The following FHIT variants were observed in gnomAD, a reference collection of about 807,000 sequenced individuals.
FHIT encodes fragile histidine triad diadenosine triphosphatase.
A neutral mutation model predicts 17.9 loss-of-function variants in FHIT; 19 were observed. That is an observed-to-expected ratio of 1.06 (90% confidence interval 0.74 to 1.56). The LOEUF is 1.56. Ranked by LOEUF, FHIT falls within the 40% of genes most tolerant of loss-of-function variation. The probability of loss-of-function intolerance (pLI) is 0.00; values close to 1 mark genes in which losing one functional copy is unlikely to be tolerated. For missense variants in FHIT, 248 were observed against 189.2 expected (o/e 1.31, Z -1.82); for synonymous variants, 81 against 69.7 (o/e 1.16, Z -0.81).
At chr3:59,931,266 A>C (rs1374375758) in intron 7 of FHIT, among the ~76,000 whole-genome samples, 1 of 152,206 alleles carries the variant, frequency 6.6e-6, no homozygotes, top group African/African-American at 2.4e-5. Context: ...TACTTCATCC[A>C]GACCATCACC....
At chr3:60,249,983 A>T (rs1384387069) in intron 5 of FHIT, among the ~76,000 whole-genome samples, 3 of 152,170 alleles carry the variant, frequency 2.0e-5, no homozygotes, top group Admixed American at 2.0e-4. Context: ...CACTACCACA[A>T]GAACAGTATG....
Position 60,135,466 on chromosome 3 carries a change from G to T in FHIT, c.104-121314C>A, listed in dbSNP as rs1031024319. 3.3e-5 allele frequency among the ~76,000 whole-genome samples: 5 copies of T among 152,142 alleles called. No homozygotes were observed. In the East Asian group the frequency reaches 9.7e-4, roughly 29 times the overall value. Reference sequence around the variant, plus strand: ...AATATTTGTGGAATACCTACAATGGGGTTTTAATCACAAAACTTTACTTGA... The same window carrying T: ...AATATTTGTGGAATACCTACAATGGTGTTTTAATCACAAAACTTTACTTGA... On this transcript the variant is annotated intron_variant, in intron 5 of 9. Transcript: ENST00000492590.
intron 8 of FHIT, among the ~76,000 whole-genome samples, chr3:59,776,496 C>G (rs571321606): frequency 2.0e-4 from 30 of 152,234 alleles, no homozygotes; most frequent in African/African-American, 6.7e-4. Flanking sequence ...CTGACTGGCT[C>G]CACTAGCTCA....
At chr3:59,884,906 T>C (rs1703553851) in intron 8 of FHIT, among the ~76,000 whole-genome samples, 1 of 152,226 alleles carries the variant, frequency 6.6e-6, no homozygotes, top group South Asian at 2.1e-4. Context: ...CAATATTTGA[T>C]TGTATCCAAA....
chr3:60,475,774 G>A (rs1178891238), intron 5 of FHIT, among the ~76,000 whole-genome samples: 1 of 152,118 alleles, frequency 6.6e-6, no homozygotes, highest in Admixed American at 6.5e-5. Flanking sequence ...CTGAGCTGAC[G>A]CCACAAGTGG....
intron 7 of FHIT, among the ~76,000 whole-genome samples, chr3:59,967,212 C>G (rs958723742): frequency 3.9e-5 from 6 of 151,978 alleles, no homozygotes; most frequent in Non-Finnish European, 7.4e-5. Context: ...CTGCAATAGT[C>G]CCTGAAGGAC....
At chr3:60,779,158 TAA>T (rs1278209561) in intron 4 of FHIT, among the ~76,000 whole-genome samples, 1 of 152,244 alleles carries the variant, frequency 6.6e-6, no homozygotes, top group African/African-American at 2.4e-5. Flanking sequence ...AGTGTAAGAC[TAA>T]AGTCTATTTT....
chr3:60,792,667 C>T (rs998626815), intron 4 of FHIT, among the ~76,000 whole-genome samples: 1 of 152,088 alleles, frequency 6.6e-6, no homozygotes, highest in Non-Finnish European at 1.5e-5. Flanking sequence ...GAACTCTGGA[C>T]TCAGAGGCAC....
intron 3 of FHIT, among the ~76,000 whole-genome samples, chr3:60,867,505 A>G (rs114116588): frequency 0.016 from 2,432 of 152,268 alleles, 66 homozygotes; most frequent in African/African-American, 0.055. Context: ...ATGCAGGAAC[A>G]AAGTCTTCAG....
At chr3:60,581,675 C>A (rs1367866217) in intron 4 of FHIT, among the ~76,000 whole-genome samples, 5 of 151,952 alleles carry the variant, frequency 3.3e-5, no homozygotes, top group Non-Finnish European at 7.4e-5. Context: ...TAAAAATATT[C>A]TTTTATAAAT....
Position 60,498,323 on chromosome 3 carries a change from C to G in FHIT, c.103+38537G>C, listed in dbSNP as rs144888587. 2.0e-5 allele frequency among the ~76,000 whole-genome samples: 3 copies of G among 152,158 alleles called. No individual in the cohort carries two copies. In the East Asian group the frequency reaches 5.8e-4, roughly 29 times the overall value. ...CAATTCAATAAATGATGAAAATGTT[C>G]ATTTGTTACATTTATAGCATACTAA... On this transcript the variant is annotated intron_variant, in intron 5 of 9. Coordinates refer to ENST00000492590, the MANE Select transcript of FHIT (RefSeq NM_002012.4).
chr3:61,234,845 T>C (rs2040190701), intron 1 of FHIT, among the ~76,000 whole-genome samples: 1 of 152,222 alleles, frequency 6.6e-6, no homozygotes, highest in African/African-American at 2.4e-5. Context: ...TTTTGTGTTT[T>C]AAAAATAGAC....
At chr3:61,223,055 C>T (rs1343970405) in intron 1 of FHIT, among the ~76,000 whole-genome samples, 1 of 152,080 alleles carries the variant, frequency 6.6e-6, no homozygotes, top group South Asian at 2.1e-4. Context: ...TATCTCTGGC[C>T]CTTATCCACA....
At chr3:61,124,663 T>C (rs2036557423) in intron 2 of FHIT, among the ~76,000 whole-genome samples, 1 of 152,160 alleles carries the variant, frequency 6.6e-6, no homozygotes, top group Non-Finnish European at 1.5e-5. Context: ...TTTCGCGATA[T>C]ATATGGTTGC....
At position 59,752,066 on chromosome 3, in the gene FHIT, A is replaced by G. The variant is rs570355113; in HGVS notation, c.*5+155T>C. 7.9e-4 allele frequency: 434 copies of G among 546,094 alleles called. 1 individual carries two copies. Among genetic ancestry groups the G allele is most frequent in the Middle Eastern group, 1.4e-3 (3 of 2,080 alleles). The allele number at this position is 546,094 out of a possible 1,614,324, so 33.8% of individuals were successfully genotyped here. On this transcript the variant is annotated intron_variant, in intron 9 of 9. Coordinates refer to ENST00000492590, the MANE Select transcript of FHIT (RefSeq NM_002012.4). ...TGGGAGGCTGGGAATACAGTACTCAAGGGCCAGGGTTTTCTCCCCTCCAGC... is the reference window on the plus strand; with the variant it reads ...TGGGAGGCTGGGAATACAGTACTCAGGGGCCAGGGTTTTCTCCCCTCCAGC...
intron 7 of FHIT, among the ~76,000 whole-genome samples, chr3:59,987,064 CTA>C (rs1330275868): frequency 6.2e-4 from 34 of 54,944 alleles, no homozygotes; most frequent in East Asian, 3.6e-3. Context: ...TAAAATATAT[CTA>C]TATATATCTA....
intron 5 of FHIT, among the ~76,000 whole-genome samples, chr3:60,241,406 A>T (rs1705122059): frequency 6.6e-6 from 1 of 152,136 alleles, no homozygotes; most frequent in Admixed American, 6.6e-5. Flanking sequence ...TAGGAATTTT[A>T]AGTACTGTCC....
At chr3:59,752,913 G>A (rs899865687) in intron 8 of FHIT, among the ~76,000 whole-genome samples, 3 of 152,148 alleles carry the variant, frequency 2.0e-5, no homozygotes, top group Admixed American at 6.5e-5. Context: ...TTATAGCACT[G>A]TAAGAATGGA....
intron 8 of FHIT, among the ~76,000 whole-genome samples, chr3:59,898,442 T>TTGTGTGTG (rs3075168): frequency 0.024 from 3,570 of 145,896 alleles, 143 homozygotes; most frequent in African/African-American, 0.083. Context: ...GTGTGTATGT[T>TTGTGTGTG]TGTGTGTGTG....
Sources: gnomAD v4.1 joint callset for allele counts (sites outside exome capture counted in the v4.1 genomes callset) on GRCh38, gnomAD v4.1.1 for gene constraint, MANE v1.5 for transcripts, NCBI Gene and HGNC (gene_info 2026-07-23, HGNC 2026-07-21) for gene names.